Variants in CEP128 observed in about 807,000 individuals in gnomAD.
CEP128 encodes centrosomal protein 128kDa.
In CEP128, 132 loss-of-function variants were observed where a neutral mutation model predicts 156.7. That is an observed-to-expected ratio of 0.84 (90% CI 0.73 to 0.97). The LOEUF is 0.97. CEP128 is among the 50% of genes least tolerant of loss of function. The pLI, the probability that CEP128 is intolerant of heterozygous loss-of-function variation, is 0.00. For missense variants in CEP128, 1,252 were observed against 1,281.9 expected, an observed-to-expected ratio of 0.98 and a Z score of 0.36; for synonymous variants, 469 against 448.9, an observed-to-expected ratio of 1.04 and a Z score of -0.57.
At chr14:80,704,126 T>C (rs990080714) in intron 19 of CEP128, among the ~76,000 whole-genome samples, 1 of 152,084 alleles carries the variant, frequency 6.6e-6, no homozygotes, top group Non-Finnish European at 1.5e-5. Flanking sequence ...TCATTATCTG[T>C]TCCTTACCAC....
intron 19 of CEP128, among the ~76,000 whole-genome samples, chr14:80,714,333 C>A (rs150806464): frequency 2.0e-5 from 3 of 152,010 alleles, no homozygotes; most frequent in African/African-American, 7.2e-5. Context: ...CATACACACA[C>A]ACTTAAGGCT....
At chr14:80,754,007 A>G (rs887895554) in intron 18 of CEP128, among the ~76,000 whole-genome samples, 2 of 152,144 alleles carry the variant, frequency 1.3e-5, no homozygotes, top group Non-Finnish European at 2.9e-5. Flanking sequence ...TCTCTACCTC[A>G]AATCTTACCA....
intron 8 of CEP128, among the ~76,000 whole-genome samples, chr14:80,867,097 T>G (rs559027264): frequency 9.8e-5 from 15 of 152,330 alleles, no homozygotes; most frequent in Admixed American, 7.8e-4. Flanking sequence ...ATGGCTTCTC[T>G]TTGGCATTGC....
At chr14:80,786,877 G>A (rs570293401) in intron 14 of CEP128, among the ~76,000 whole-genome samples, 55 of 152,226 alleles carry the variant, frequency 3.6e-4, no homozygotes, top group African/African-American at 1.3e-3. Context: ...GAAGGCTCAG[G>A]CGGGAAGATA....
chr14:80,831,245 T>G lies in CEP128; in HGVS notation c.1107A>C (p.Arg369Ser). The G allele has an allele frequency of 1.9e-6, 3 of 1,614,068 alleles. No homozygotes were observed. The highest frequency in any genetic ancestry group is 2.5e-6 in the Non-Finnish European group (3 of 1,179,944). ...CCATTGCGCTGAAGTTCAGCTGCAC[T>G]CTCAAATCTGACATTTGCTTCTCCA... ...QDLEKQMSDL[R>S]VQLNFSAMAS... Residue 369 changes from arginine to serine, a missense_variant, in exon 13 of 25, where the codon AGA becomes AGC. Physicochemically the swap from Arg to Ser is moderately radical, Grantham distance 110. Coordinates refer to ENST00000555265, the MANE Select transcript of CEP128 (RefSeq NM_152446.5).
intron 19 of CEP128, among the ~76,000 whole-genome samples, chr14:80,651,987 T>C (rs934744322): frequency 1.3e-5 from 2 of 152,100 alleles, no homozygotes; most frequent in African/African-American, 4.8e-5. Context: ...ATTTTCTGTC[T>C]TGTTGATCTA....
intron 19 of CEP128, among the ~76,000 whole-genome samples, chr14:80,612,437 C>T (rs1291243381): frequency 6.6e-6 from 1 of 152,120 alleles, no homozygotes; most frequent in African/African-American, 2.4e-5. Context: ...TATATAGAGT[C>T]CTTGTTTATT....
downstream of CEP128, among the ~76,000 whole-genome samples, chr14:80,488,107 A>G (rs1323621567): frequency 2.8e-5 from 4 of 142,396 alleles, no homozygotes; most frequent in Non-Finnish European, 4.6e-5. Context: ...TGAAAAGATC[A>G]ACAAAATCAA....
At chr14:80,530,930 A>G in intron 21 of CEP128, 44 bp from the exon 22 acceptor site, 1 of 1,290,080 alleles carries the variant, frequency 7.8e-7, no homozygotes, top group Non-Finnish European at 1.1e-6. Context: ...TAAAAAATTG[A>G]TTAATACTCT....
intron 19 of CEP128, among the ~76,000 whole-genome samples, chr14:80,624,415 A>G (rs1453856932): frequency 1.3e-5 from 2 of 152,030 alleles, no homozygotes; most frequent in Admixed American, 6.5e-5. Flanking sequence ...TCGATATACT[A>G]ATTTTTTCTC....
chr14:80,505,113 T>C, intron 23 of CEP128, 93 bp from the exon 24 acceptor site: 1 of 468,650 alleles, frequency 2.1e-6, no homozygotes, highest in Non-Finnish European at 3.9e-6. Flanking sequence ...AATCTTAATA[T>C]ACAAGCTATG....
At chr14:80,676,837 C>A (rs1896083489) in intron 19 of CEP128, among the ~76,000 whole-genome samples, 1 of 152,126 alleles carries the variant, frequency 6.6e-6, no homozygotes, top group African/African-American at 2.4e-5. Flanking sequence ...CATCAGTTTT[C>A]TGATATTAAA....
At chr14:80,516,529 C>A (rs774108153) in intron 23 of CEP128, among the ~76,000 whole-genome samples, 5 of 152,140 alleles carry the variant, frequency 3.3e-5, no homozygotes, top group African/African-American at 9.7e-5. Context: ...CCAGGCTTGT[C>A]CTTGTGGGCT....
At chr14:80,495,586 T>A (rs1887465971), downstream of CEP128, among the ~76,000 whole-genome samples, 1 of 151,572 alleles carries the variant, frequency 6.6e-6, no homozygotes, top group Admixed American at 6.6e-5. Context: ...TGTTATAAAA[T>A]CACTGGCTAC....
At chr14:80,617,219 CTTTTTTTTTTTTTTTTT>C (rs3069115) in intron 19 of CEP128, among the ~76,000 whole-genome samples, 14 of 60,218 alleles carry the variant, frequency 2.3e-4, no homozygotes, top group African/African-American at 9.0e-4. Context: ...TGAATATCAT[CTTTTTTTTTTTTTTTTT>C]TTTTTTTTTT....
chr14:80,883,896 A>G (rs1888669602), intron 8 of CEP128, among the ~76,000 whole-genome samples: 1 of 152,178 alleles, frequency 6.6e-6, no homozygotes, highest in African/African-American at 2.4e-5. Flanking sequence ...GACCAATGAA[A>G]CAGAATACAA....
At chr14:80,944,523 A>T (rs142118378), upstream of CEP128, among the ~76,000 whole-genome samples, 27 of 152,260 alleles carry the variant, frequency 1.8e-4, no homozygotes, top group Middle Eastern at 3.4e-3. Context: ...ACTGTAAGTC[A>T]ATCAAACCAC....
intron 20 of CEP128, among the ~76,000 whole-genome samples, chr14:80,561,385 TG>T (rs1890665675): frequency 6.6e-6 from 1 of 152,328 alleles, no homozygotes; most frequent in Non-Finnish European, 1.5e-5. Flanking sequence ...ATGCGTATGA[TG>T]CCTCAAGGGG....
Position 80,737,631 on chromosome 14 carries a change from C to T in CEP128, c.2806+5444G>A, listed in dbSNP as rs565546871. ...GTGCACAGTTTCATGCCTGTAATCC[C>T]AGTAACTCAGGAAAACAAGGTCTAG... On this transcript the variant is annotated intron_variant, in intron 19 of 24. Coordinates refer to ENST00000555265, the MANE Select transcript of CEP128 (RefSeq NM_152446.5). Among the ~76,000 whole-genome samples the T allele has an allele frequency of 2.3e-4, 35 of 152,250 alleles. 1 individual carries two copies. In the South Asian group the frequency reaches 7.3e-3, roughly 32 times the overall value.
Sources: gnomAD v4.1 joint callset for allele counts (sites outside exome capture counted in the v4.1 genomes callset) on GRCh38, gnomAD v4.1.1 for gene constraint, MANE v1.5 for transcripts, NCBI Gene and HGNC (gene_info 2026-07-23, HGNC 2026-07-21) for gene names.